Variants in DIPK2A observed in about 807,000 individuals in gnomAD.
The protein encoded by DIPK2A is Golgi Protein of 49 kDa.
A neutral mutation model predicts 39.0 loss-of-function variants in DIPK2A; 27 were observed. That is an observed-to-expected ratio of 0.69 (90% CI 0.51 to 0.96). The LOEUF (loss-of-function observed/expected upper bound fraction) is 0.96, where lower values mean the gene tolerates loss of function less well. DIPK2A is among the 40% of genes least tolerant of loss of function. DIPK2A has a pLI of 0.00. For missense variants in DIPK2A, 528 were observed against 571.3 expected, an observed-to-expected ratio of 0.92 and a Z score of 0.77; for synonymous variants, 298 against 240.8, an observed-to-expected ratio of 1.24 and a Z score of -2.20.
In DIPK2A at chr3:143,991,590, C is replaced by T. The variant is rs998026972; in HGVS notation, c.*1749C>T. 2.0e-5 allele frequency: 3 copies of T among 152,550 alleles called. No homozygotes were observed. Among genetic ancestry groups the T allele is most frequent in the African/African-American group, 7.2e-5 (3 of 41,432 alleles). 9.4% of individuals were successfully genotyped at this position (152,550 alleles called of 1,614,324 possible). ...ACTGGAAGGAAAAGGTAAGAGCTCT[C>T]CATTATAAAATAGTTGCATTCGGTT... On this transcript the variant is annotated 3_prime_UTR_variant, in exon 3 of 3. Transcript: ENST00000315691.
rs368704593 is a variant in DIPK2A, at chr3:143,985,864, G to C, written c.961+18G>C. On this transcript the variant is annotated intron_variant, in intron 2 of 2. Transcript: ENST00000315691. ...TAGACAAAGTAAGTATATAATTTTA[G>C]ATTTTTTTCTACTCATTTTTTCCTA... 1.5e-4 allele frequency: 233 copies of C among 1,562,058 alleles called. No individual in the cohort carries two copies. Among genetic ancestry groups the C allele is most frequent in the Non-Finnish European group, 1.9e-4 (222 of 1,152,938 alleles).
rs945726625 is a variant in DIPK2A, at chr3:143,990,680, A to G, written c.*839A>G. On this transcript the variant is annotated 3_prime_UTR_variant, in exon 3 of 3. Coordinates refer to ENST00000315691, the MANE Select transcript of DIPK2A (RefSeq NM_173552.5). ...TATTGATGTTAATTTTGATTCAGAAAAAAAATACAACCCAGTATCTAAAAA... is the reference window on the plus strand; with the variant it reads ...TATTGATGTTAATTTTGATTCAGAAGAAAAATACAACCCAGTATCTAAAAA... 1.3e-5 allele frequency: 2 copies of G among 152,610 alleles called. No individual in the cohort carries two copies. The highest frequency in any genetic ancestry group is 4.8e-5 in the African/African-American group (2 of 41,462). 9.5% of individuals were successfully genotyped at this position (152,610 alleles called of 1,614,324 possible).
intron 1 of DIPK2A, chr3:143,978,672 A>ATATC (rs1426568907): frequency 2.3e-5 from 1 of 43,150 alleles, no homozygotes; most frequent in East Asian, 7.8e-4. Flanking sequence ...ATATATAGAT[A>ATATC]TATATATATC....
chr3:143,976,584 G>GAGAGAGAGAGAA (rs3083098), intron 1 of DIPK2A, among the ~76,000 whole-genome samples: 3,695 of 139,294 alleles, frequency 0.027, 144 homozygotes, highest in African/African-American at 0.083. Flanking sequence ...GAGAGAGAGA[G>GAGAGAGAGAGAA]ATGCTGTCTG....
intron 1 of DIPK2A, among the ~76,000 whole-genome samples, chr3:143,984,312 G>A (rs1273064962): frequency 6.6e-6 from 1 of 151,860 alleles, no homozygotes; most frequent in Non-Finnish European, 1.5e-5. Context: ...GGCTGTTTGG[G>A]TTAAGAAGCC....
Position 143,990,078 on chromosome 3 carries a change from C to T in DIPK2A, c.*237C>T. On this transcript the variant is annotated 3_prime_UTR_variant, in exon 3 of 3. Coordinates refer to ENST00000315691, the MANE Select transcript of DIPK2A (RefSeq NM_173552.5). ...TGGAGGCTTGAGCTGTCATCAGCTGCTCCCCACTACCCCGGAATGCTTGAG... is the reference window on the plus strand; with the variant it reads ...TGGAGGCTTGAGCTGTCATCAGCTGTTCCCCACTACCCCGGAATGCTTGAG... 1 of 489,198 alleles carries T rather than the reference C, an allele frequency of 2.0e-6. No homozygotes were observed. Among genetic ancestry groups the T allele is most frequent in the Non-Finnish European group, 3.6e-6 (1 of 274,658 alleles). 30.3% of individuals were successfully genotyped at this position (489,198 alleles called of 1,614,324 possible). A position where few individuals can be genotyped will look rare whatever the true frequency, so the allele number is the denominator to read the frequency against.
chr3:143,979,657 A>G (rs939089249), intron 1 of DIPK2A, among the ~76,000 whole-genome samples: 3 of 152,134 alleles, frequency 2.0e-5, no homozygotes, highest in Non-Finnish European at 4.4e-5. Context: ...ATGCATATTT[A>G]AAACTTGTGA....
At chr3:143,981,923 T>G (rs973424750) in intron 1 of DIPK2A, among the ~76,000 whole-genome samples, 3 of 152,234 alleles carry the variant, frequency 2.0e-5, no homozygotes, top group African/African-American at 7.2e-5. Flanking sequence ...TGAGGTACAG[T>G]TAAACTCTAA....
At chr3:143,988,329 G>A (rs2087934158) in intron 2 of DIPK2A, among the ~76,000 whole-genome samples, 2 of 151,992 alleles carry the variant, frequency 1.3e-5, no homozygotes, top group South Asian at 4.2e-4. Context: ...CAAACTTGTG[G>A]GCTTAAGCAG....
At chr3:143,978,593 T>C (rs755616636) in intron 1 of DIPK2A, 1 of 66,568 alleles carries the variant, frequency 1.5e-5, no homozygotes, top group Non-Finnish European at 2.5e-5. Flanking sequence ...TCTATATCTA[T>C]CTATCTATCT....
At chr3:143,978,647 T>TATATATATATATCTATATATAG (rs1328265160) in intron 1 of DIPK2A, 689 of 42,460 alleles carry the variant, frequency 0.016, 2 homozygotes, top group Middle Eastern at 0.024. Context: ...TATCTATATA[T>TATATATATATATCTATATATAG]ATATATATAT....
rs1425536653 is a variant in DIPK2A at position 143,972,312 on chromosome 3, C to G, written c.-21C>G. On this transcript the variant is annotated 5_prime_UTR_variant, in exon 1 of 3. Coordinates refer to ENST00000315691, the MANE Select transcript of DIPK2A (RefSeq NM_173552.5). ...CGCCCCGGGGGTGCCCTCGCCCTCCCGTTGCGGGCGGGCGGGCGGTATGTG... is the reference window on the plus strand; with the variant it reads ...CGCCCCGGGGGTGCCCTCGCCCTCCGGTTGCGGGCGGGCGGGCGGTATGTG... 1.5e-6 allele frequency: 2 copies of G among 1,350,570 alleles called. No individual in the cohort carries two copies. The highest frequency in any genetic ancestry group is 3.8e-5 in the Admixed American group (1 of 26,490). 83.7% of individuals were successfully genotyped at this position (1,350,570 alleles called of 1,614,324 possible).
rs529821869 is a variant in DIPK2A at position 143,971,961 on chromosome 3, T to C, written c.-372T>C. The C allele has an allele frequency of 1.6e-4, 36 of 224,006 alleles. No homozygotes were observed. The highest frequency in any genetic ancestry group is 9.2e-4 in the Admixed American group (16 of 17,318). The allele number at this position is 224,006 out of a possible 1,614,324, so 13.9% of individuals were successfully genotyped here. On this transcript the variant is annotated 5_prime_UTR_variant, in exon 1 of 3. Transcript: ENST00000315691. ...TGGCTGGCTGCCGCCGCAGCTCTTG[T>C]GCGAAGCCAGCAGTGCGCGTGCGCG... is the stretch of plus-strand genomic sequence containing the variant.
chr3:143,985,913 T>C (rs2087892838), intron 2 of DIPK2A, 67 bp downstream of exon 2: 13 of 1,321,830 alleles, frequency 9.8e-6, no homozygotes, highest in Non-Finnish European at 1.3e-5. Context: ...TTTATACTTG[T>C]ATGAAATGAG....
At chr3:143,983,857 T>C (rs767672645) in intron 1 of DIPK2A, among the ~76,000 whole-genome samples, 8 of 152,212 alleles carry the variant, frequency 5.3e-5, no homozygotes, top group Non-Finnish European at 8.8e-5. Context: ...ACATTTTGTA[T>C]TGGGAAGGCT....
At position 143,972,931 on chromosome 3, in the gene DIPK2A, C is replaced by T. The variant is rs1173385757; in HGVS notation, c.599C>T (p.Ser200Leu). 2.5e-6 allele frequency: 4 copies of T among 1,590,032 alleles called. No individual in the cohort carries two copies. Among genetic ancestry groups the T allele is most frequent in the Non-Finnish European group, 3.4e-6 (4 of 1,170,640 alleles). Residue 200 changes from serine (S) to leucine (L), a missense_variant, in exon 1 of 3, where the codon TCG becomes TTG. Transcript: ENST00000315691. ...TTCCTGCTTCGCAACCTCAAGGACT[C>T]GGAGCGCATGCAGCTGCTGCTGACC... The part of the protein sequence containing the change: ...GSFLLRNLKD[S>L]ERMQLLLTLA...
Position 143,973,391 on chromosome 3 carries a change from G to A in DIPK2A, c.657+402G>A, listed in dbSNP as rs552674496. 4.5e-6 allele frequency: 7 copies of A among 1,548,970 alleles called. No individual in the cohort carries two copies. In the South Asian group the frequency reaches 8.4e-5, roughly 19 times the overall value. On this transcript the variant is annotated intron_variant, in intron 1 of 2. Transcript: ENST00000315691. ...TTCACGAGCCCTTGGACCTTTCCTAGTTCTTCTGAAGTGTTCTACACCGCG... is the reference window on the plus strand; with the variant it reads ...TTCACGAGCCCTTGGACCTTTCCTAATTCTTCTGAAGTGTTCTACACCGCG...
In DIPK2A at chr3:143,983,886, A is replaced by G. The variant is rs953632280; in HGVS notation, c.658-1657A>G. 2.6e-4 allele frequency among the ~76,000 whole-genome samples: 40 copies of G among 152,300 alleles called. 1 individual carries two copies. The highest frequency in any genetic ancestry group is 2.4e-3 in the Admixed American group (37 of 15,298). Reference sequence around the variant, plus strand: ...GAAGGCTGTTTCATCTACATTTTGTATTGGGAAGGCTGTTTCATCTACATT... The same window carrying G: ...GAAGGCTGTTTCATCTACATTTTGTGTTGGGAAGGCTGTTTCATCTACATT... On this transcript the variant is annotated intron_variant, in intron 1 of 2. Coordinates refer to ENST00000315691, the MANE Select transcript of DIPK2A (RefSeq NM_173552.5).
rs2087972749 is a variant in DIPK2A at position 143,990,733 on chromosome 3, A to G, written c.*892A>G. The G allele has an allele frequency of 6.6e-6, 1 of 152,626 alleles. No individual in the cohort carries two copies. The highest frequency in any genetic ancestry group is 6.5e-5 in the Admixed American group (1 of 15,284). 9.5% of individuals were successfully genotyped at this position (152,626 alleles called of 1,614,324 possible). On this transcript the variant is annotated 3_prime_UTR_variant, in exon 3 of 3. Coordinates refer to ENST00000315691, the MANE Select transcript of DIPK2A (RefSeq NM_173552.5). ...GTTAACTAGTCCAAGATAGTAATGCATATGCCAAAGAAATATTACACCTAA... is the reference window on the plus strand; with the variant it reads ...GTTAACTAGTCCAAGATAGTAATGCGTATGCCAAAGAAATATTACACCTAA...
Sources: allele counts gnomAD v4.1 joint callset (sites outside exome capture counted in the v4.1 genomes callset), GRCh38; gene constraint gnomAD v4.1.1; transcripts MANE v1.5; gene names NCBI Gene and HGNC (gene_info 2026-07-23, HGNC 2026-07-21).